The following CDH23 variants were observed in gnomAD, a reference collection of about 807,000 sequenced individuals.
CDH23 encodes the protein cadherin related 23.
A neutral mutation model predicts 317.1 loss-of-function variants in CDH23; 189 were observed. The observed-to-expected ratio is 0.60, with a 90% CI of 0.53 to 0.67. The LOEUF (loss-of-function observed/expected upper bound fraction) is 0.67, where lower values mean the gene tolerates loss of function less well. Ranked by LOEUF, CDH23 falls within the 30% of genes least tolerant of loss-of-function variation. The pLI, the probability that CDH23 is intolerant of heterozygous loss-of-function variation, is 0.00. For missense variants in CDH23, 4,401 were observed against 4,592.4 expected, an observed-to-expected ratio of 0.96 and a Z score of 1.20; for synonymous variants, 1,839 against 1,876.8, an observed-to-expected ratio of 0.98 and a Z score of 0.52.
chr10:71,484,059 G>A (rs917368333), intron 3 of CDH23, among the ~76,000 whole-genome samples: 2 of 152,216 alleles, frequency 1.3e-5, no homozygotes, highest in African/African-American at 4.8e-5. Flanking sequence ...CACGGCCACA[G>A]CGTGCAGCTG....
chr10:71,677,421 G>T (rs1433200533), intron 15 of CDH23, 35 bp from the exon 16 acceptor site: 1 of 1,541,210 alleles, frequency 6.5e-7, no homozygotes, highest in African/African-American at 1.4e-5. Context: ...TTAAACCACG[G>T]TGTTCCTTCT....
intron 14 of CDH23, among the ~76,000 whole-genome samples, chr10:71,674,760 G>T (rs552561316): frequency 6.6e-6 from 1 of 152,284 alleles, no homozygotes; most frequent in South Asian, 2.1e-4. Context: ...CTGCACTGTG[G>T]ATTAGAACCA....
intron 11 of CDH23, among the ~76,000 whole-genome samples, chr10:71,643,381 T>A (rs1862659747): frequency 6.6e-6 from 1 of 152,216 alleles, no homozygotes. Flanking sequence ...CTGCTCATCA[T>A]GTCTCTGACA....
chr10:71,808,383 C>T (rs115148652), intron 60 of CDH23, among the ~76,000 whole-genome samples: 1,843 of 152,198 alleles, frequency 0.012, 32 homozygotes, highest in African/African-American at 0.042. Flanking sequence ...TTCCATCTGT[C>T]CATCCATCCT....
chr10:71,671,172 C>A (rs1478598862), intron 14 of CDH23, among the ~76,000 whole-genome samples: 1 of 152,108 alleles, frequency 6.6e-6, no homozygotes, highest in Non-Finnish European at 1.5e-5. Context: ...GTTGACCAGA[C>A]TGGTCTTGAA....
At position 71,751,811 on chromosome 10, in the gene CDH23, T is replaced by C; in HGVS notation, c.4845+9890T>C. The C allele has an allele frequency of 6.3e-7, 1 of 1,583,448 alleles. No homozygotes were observed. The highest frequency in any genetic ancestry group is 8.6e-7 in the Non-Finnish European group (1 of 1,165,900). On this transcript the variant is annotated intron_variant, in intron 38 of 69. Coordinates refer to ENST00000224721, the MANE Select transcript of CDH23 (RefSeq NM_022124.6). The surrounding 1 kb of genome is among the most constrained non-coding windows in gnomAD (Gnocchi z 4.9). ...CCTGACTTTGGCCTCGGGTATCCCC[T>C]GGGCAGGTGGTGAGGCTTCAAAGCC...
chr10:71,676,340 G>A (rs1021427202), intron 15 of CDH23, among the ~76,000 whole-genome samples: 8 of 151,946 alleles, frequency 5.3e-5, no homozygotes, highest in African/African-American at 1.9e-4. Flanking sequence ...AAAAGATGGG[G>A]AAGGAGCTGG....
At chr10:71,404,057 A>G (rs1024332148) in intron 1 of CDH23, among the ~76,000 whole-genome samples, 1 of 152,198 alleles carries the variant, frequency 6.6e-6, no homozygotes, top group Non-Finnish European at 1.5e-5. Flanking sequence ...GTGCCACTGC[A>G]CTCCAGCCTG....
intron 11 of CDH23, among the ~76,000 whole-genome samples, chr10:71,628,040 C>T (rs1162182456): frequency 1.3e-5 from 2 of 152,338 alleles, no homozygotes; most frequent in South Asian, 2.1e-4. Context: ...GGCCACCCCA[C>T]CTCATACCCC....
intron 41 of CDH23, among the ~76,000 whole-genome samples, chr10:71,782,940 A>T (rs1168104594): frequency 6.6e-6 from 1 of 152,182 alleles, no homozygotes; most frequent in African/African-American, 2.4e-5. Context: ...TCAGAGTGTT[A>T]GGAGCTGGGG....
At chr10:71,407,451 G>T (rs554417517) in intron 1 of CDH23, among the ~76,000 whole-genome samples, 1 of 152,224 alleles carries the variant, frequency 6.6e-6, no homozygotes, top group Admixed American at 6.5e-5. Context: ...AGTGAATGAG[G>T]TGGATGGTTT....
chr10:71,649,413 A>T (rs1863056933), intron 14 of CDH23, among the ~76,000 whole-genome samples: 1 of 152,234 alleles, frequency 6.6e-6, no homozygotes, highest in African/African-American at 2.4e-5. Context: ...GAGCGTCCCC[A>T]GCTCTCATCC....
intron 38 of CDH23, among the ~76,000 whole-genome samples, chr10:71,743,891 C>T (rs1486765413): frequency 6.6e-6 from 1 of 152,188 alleles, no homozygotes; most frequent in Non-Finnish European, 1.5e-5. Flanking sequence ...CTTGGCCTTT[C>T]CCTCATGGTG....
chr10:71,722,320 T>C (rs113134909), intron 28 of CDH23, among the ~76,000 whole-genome samples: 378 of 152,274 alleles, frequency 2.5e-3, no homozygotes, highest in Middle Eastern at 6.8e-3. Context: ...AAGTGTACTG[T>C]AGCAATACTG....
chr10:71,566,682 C>G (rs931726909), intron 6 of CDH23, 60 bp from the exon 7 acceptor site: 148 of 1,469,754 alleles, frequency 1.0e-4, no homozygotes, highest in Non-Finnish European at 1.3e-4. Flanking sequence ...GGACTCAGCC[C>G]TGATGGCGCA....
chr10:71,803,460 C>G, intron 55 of CDH23, 40 bp downstream of exon 55: 2 of 1,526,990 alleles, frequency 1.3e-6, no homozygotes, highest in Non-Finnish European at 1.8e-6. Flanking sequence ...CCAGTATTTC[C>G]TTCTTCCAGC....
At chr10:71,732,440 T>C (rs1483475165) in intron 32 of CDH23, 65 bp downstream of exon 32, 1 of 1,543,336 alleles carries the variant, frequency 6.5e-7, no homozygotes, top group East Asian at 2.4e-5. Flanking sequence ...GAGCTCCTTC[T>C]GTGTGCACAG....
chr10:71,715,993 C>A, intron 28 of CDH23: 2 of 1,497,010 alleles, frequency 1.3e-6, no homozygotes, highest in Non-Finnish European at 1.8e-6. Flanking sequence ...CGGGGCCCGG[C>A]AGGGGCTGTC....
At chr10:71,485,708 C>G (rs1852312606) in intron 3 of CDH23, among the ~76,000 whole-genome samples, 1 of 152,190 alleles carries the variant, frequency 6.6e-6, no homozygotes, top group African/African-American at 2.4e-5. Context: ...GGCAGAGAAG[C>G]AGTGTGGGGT....
Sources: gnomAD v4.1 joint callset for allele counts (sites outside exome capture counted in the v4.1 genomes callset) on GRCh38, gnomAD v4.1.1 for gene constraint, Gnocchi (gnomAD v3.1) non-coding constraint, MANE v1.5 for transcripts, NCBI Gene and HGNC (gene_info 2026-07-23, HGNC 2026-07-21) for gene names.